EVC2: variants seen among roughly 807,000 people sequenced by gnomAD.
EVC2 encodes the protein EvC ciliary complex subunit 2, also known as limbin.
In EVC2, 148 loss-of-function variants were observed where a neutral mutation model predicts 149.3. That is an observed-to-expected ratio of 0.99 (90% CI 0.87 to 1.14). The LOEUF is 1.14. EVC2 is among the 50% of genes most tolerant of loss of function. The pLI, the probability that EVC2 is intolerant of heterozygous loss-of-function variation, is 0.00. For synonymous variants in EVC2, 776 were observed against 649.9 expected, an observed-to-expected ratio of 1.19 and a Z score of -2.95; for missense variants, 1,854 against 1,627.3, an observed-to-expected ratio of 1.14 and a Z score of -2.40.
At chr4:5,682,304 A>AAC (rs1720401018) in intron 6 of EVC2, among the ~76,000 whole-genome samples, 2 of 151,904 alleles carry the variant, frequency 1.3e-5, no homozygotes, top group East Asian at 2.0e-4. Context: ...CAGCCTGGCC[A>AAC]ATGTAGTGAA....
downstream of EVC2, among the ~76,000 whole-genome samples, chr4:5,559,109 T>C (rs952264875): frequency 1.5e-4 from 22 of 151,624 alleles, no homozygotes; most frequent in African/African-American, 4.8e-4. This position sits in a 1 kb window ranked among gnomAD's most constrained non-coding sequence, Gnocchi z 5.0. Context: ...ACTTGGGAGG[T>C]TGAGGTATGA....
chr4:5,542,818 G>A, exon 23 of EVC2: 1 of 242,754 alleles, frequency 4.1e-6, no homozygotes, highest in South Asian at 5.0e-5. Flanking sequence ...CGTCATGAGG[G>A]CCATGACATT....
Position 5,702,113 on chromosome 4 carries a change from T to G in EVC2, c.229-4466A>C, listed in dbSNP as rs1721862787. Among the ~76,000 whole-genome samples, 3 of 152,114 alleles carry G rather than the reference T, an allele frequency of 2.0e-5. No homozygotes were observed. In the South Asian group the frequency reaches 6.2e-4, roughly 32 times the overall value. Reference sequence around the variant, plus strand: ...GCCCATCCACAGCATCCCATCTTACTCGGAACAACTGTCGGAGTCCTGGCC... The same window carrying G: ...GCCCATCCACAGCATCCCATCTTACGCGGAACAACTGTCGGAGTCCTGGCC... On this transcript the variant is annotated intron_variant, in intron 1 of 21. Transcript: ENST00000344408.
At chr4:5,681,381 T>C in intron 6 of EVC2, 68 bp from the exon 7 acceptor site, 2 of 1,535,756 alleles carry the variant, frequency 1.3e-6, no homozygotes, top group East Asian at 4.5e-5. Flanking sequence ...TAACATTTGG[T>C]GCGATTTCCA....
At chr4:5,669,360 G>C (rs1038290478) in intron 7 of EVC2, among the ~76,000 whole-genome samples, 2 of 152,150 alleles carry the variant, frequency 1.3e-5, no homozygotes, top group African/African-American at 2.4e-5. Context: ...TAGACAAATG[G>C]AGATGCAAAG....
chr4:5,539,286 A>G (rs1721471268), downstream of EVC2, among the ~76,000 whole-genome samples: 1 of 152,210 alleles, frequency 6.6e-6, no homozygotes, highest in Non-Finnish European at 1.5e-5. Flanking sequence ...AATTTTAAAC[A>G]TTTAAGTAAA....
rs558816653 is a variant in EVC2 at position 5,681,162 on chromosome 4, G to A, written c.870+98C>T. 5.8e-6 allele frequency: 8 copies of A among 1,388,942 alleles called. No homozygotes were observed. The East Asian group carries it at 1.8e-4, about 32-fold the overall frequency. 86.0% of individuals were successfully genotyped at this position (1,388,942 alleles called of 1,614,324 possible). ...TCTCAACGCATAACTGGGGGACCAAGGCCAGCAGCTGGCCGCTCCCCATGG... is the reference window on the plus strand; with the variant it reads ...TCTCAACGCATAACTGGGGGACCAAAGCCAGCAGCTGGCCGCTCCCCATGG... On this transcript the variant is annotated intron_variant, in intron 7 of 21. Coordinates refer to ENST00000344408, the MANE Select transcript of EVC2 (RefSeq NM_147127.5).
At chr4:5,646,771 G>C (rs1369546034) in intron 9 of EVC2, among the ~76,000 whole-genome samples, 1 of 152,156 alleles carries the variant, frequency 6.6e-6, no homozygotes, top group Non-Finnish European at 1.5e-5. Flanking sequence ...CTGAGCTTTA[G>C]TTAACTCTTA....
rs2108837732 is a variant in EVC2, at chr4:5,622,003, T to C, written c.2501+534A>G. 6.6e-6 allele frequency among the ~76,000 whole-genome samples: 1 copy of C among 151,808 alleles called. No individual in the cohort carries two copies. The highest frequency in any genetic ancestry group is 2.1e-4 in the South Asian group (1 of 4,754). On this transcript the variant is annotated intron_variant, in intron 14 of 21. Coordinates refer to ENST00000344408, the MANE Select transcript of EVC2 (RefSeq NM_147127.5). This position sits in a 1 kb window ranked among gnomAD's most constrained non-coding sequence, Gnocchi z 5.8. The stretch of plus-strand genomic sequence containing the variant: ...CATAGCCCGAGAAATGGACCAGGGA[T>C]GAAAGGGCCAGGTGAAAAGATGATG...
chr4:5,707,830 CA>C lies in EVC2; in HGVS notation c.228+455del, dbSNP rs1393325291. ...AATCCATCAGCCAGGAGAGTTCAGT[CA>C]CCTAAGAGTCCAGCCAAGAGCCCCC... is the stretch of plus-strand genomic sequence containing the variant. On this transcript the variant is annotated intron_variant, in intron 1 of 21. Coordinates refer to ENST00000344408, the MANE Select transcript of EVC2 (RefSeq NM_147127.5). 5.9e-5 allele frequency among the ~76,000 whole-genome samples: 9 copies of C among 152,222 alleles called. No individual in the cohort carries two copies. In the East Asian group the frequency reaches 1.7e-3, roughly 29 times the overall value.
rs918139628 is a variant in EVC2, at chr4:5,570,712, C to T, written c.3361-2072G>A. ...ATGGACATGCATGTTTATAGCAGCA[C>T]GATTCACAACTACAAAAATATGGAA... On this transcript the variant is annotated intron_variant, in intron 19 of 21. Transcript: ENST00000344408. Among the ~76,000 whole-genome samples, 10 of 152,240 alleles carry T rather than the reference C, an allele frequency of 6.6e-5. No homozygotes were observed. The East Asian group carries it at 9.7e-4, about 15-fold the overall frequency.
intron 1 of EVC2, among the ~76,000 whole-genome samples, chr4:5,700,331 G>A (rs1283254143): frequency 2.6e-5 from 4 of 152,074 alleles, no homozygotes; most frequent in African/African-American, 9.7e-5. Flanking sequence ...TTTGCCAATG[G>A]ATGGCAAAGC....
chr4:5,540,916 G>T (rs999824757), downstream of EVC2, among the ~76,000 whole-genome samples: 8 of 152,128 alleles, frequency 5.3e-5, no homozygotes, highest in Admixed American at 3.3e-4. Flanking sequence ...TCTACTGCTG[G>T]CAAGCTTGTG....
intron 15 of EVC2, among the ~76,000 whole-genome samples, chr4:5,617,320 T>C (rs1715329779): frequency 6.6e-6 from 1 of 152,220 alleles, no homozygotes; most frequent in Admixed American, 6.5e-5. Flanking sequence ...TGGGACACCA[T>C]ATTACCTCTT....
intron 21 of EVC2, among the ~76,000 whole-genome samples, chr4:5,553,493 G>A (rs914342970): frequency 2.0e-5 from 3 of 152,106 alleles, no homozygotes; most frequent in Non-Finnish European, 4.4e-5. Flanking sequence ...CCATGACAAG[G>A]GCTAAAAACC....
chr4:5,565,412 T>C (rs1722216290), intron 20 of EVC2, 53 bp from the exon 21 acceptor site: 13 of 1,555,378 alleles, frequency 8.4e-6, no homozygotes, highest in Non-Finnish European at 1.1e-5. Flanking sequence ...GTAATCCCAC[T>C]GTAATCCCAG....
chr4:5,638,399 A>AC (rs1017410397), intron 10 of EVC2, among the ~76,000 whole-genome samples: 50 of 149,082 alleles, frequency 3.4e-4, no homozygotes, highest in Middle Eastern at 3.5e-3. Context: ...AAAAAACAAA[A>AC]AAAAAAAAAT....
At chr4:5,538,063 G>GAA (rs34937866), downstream of EVC2, among the ~76,000 whole-genome samples, 10 of 112,340 alleles carry the variant, frequency 8.9e-5, 1 homozygote, top group African/African-American at 3.0e-4. Flanking sequence ...GAAAGAAATA[G>GAA]AAAAAAAAAA....
intron 10 of EVC2, 21 bp from the exon 11 acceptor site, chr4:5,632,053 G>C: frequency 6.2e-7 from 1 of 1,613,274 alleles, no homozygotes; most frequent in Non-Finnish European, 8.5e-7. Flanking sequence ...GAAAGGGAGA[G>C]CGTGAGAAAC....
Sources: gnomAD v4.1 joint callset for allele counts (sites outside exome capture counted in the v4.1 genomes callset) on GRCh38, gnomAD v4.1.1 for gene constraint, Gnocchi (gnomAD v3.1) non-coding constraint, MANE v1.5 for transcripts, NCBI Gene and HGNC (gene_info 2026-07-23, HGNC 2026-07-21) for gene names.